Variants in ADAMTSL1 observed in about 807,000 individuals in gnomAD.
ADAMTSL1 encodes the protein ADAMTS-like protein 1.
A neutral mutation model predicts 201.8 loss-of-function variants in ADAMTSL1; 126 were observed. The observed-to-expected ratio is 0.62, with a 90% CI of 0.54 to 0.72. The LOEUF (loss-of-function observed/expected upper bound fraction) is 0.72, where lower values mean the gene tolerates loss of function less well. Among genes scored for constraint, ADAMTSL1 ranks in the 30% least tolerant of loss-of-function variants. The pLI is 0.00. For missense variants in ADAMTSL1, 2,679 were observed against 2,277.8 expected (o/e 1.18, Z -3.59); for synonymous variants, 1,121 against 903.4 (o/e 1.24, Z -4.32).
intron 13 of ADAMTSL1, 81 bp from the exon 14 acceptor site, chr9:18,706,666 T>A: frequency 2.9e-6 from 4 of 1,401,688 alleles, no homozygotes; most frequent in Non-Finnish European, 3.8e-6. Flanking sequence ...TGGAGGCAGG[T>A]GGGATGCAGC....
chr9:18,024,741 CT>C (rs1820624071), intron 1 of ADAMTSL1, among the ~76,000 whole-genome samples: 1 of 151,990 alleles, frequency 6.6e-6, no homozygotes, highest in South Asian at 2.1e-4. Context: ...GTACGTGTGT[CT>C]TTTTTGGTAG....
chr9:18,315,480 C>T (rs1325769062), intron 2 of ADAMTSL1, among the ~76,000 whole-genome samples: 6 of 152,112 alleles, frequency 3.9e-5, no homozygotes, highest in African/African-American at 4.8e-5. Flanking sequence ...GGTCCTGAGC[C>T]CTGTCCTGTG....
intron 9 of ADAMTSL1, among the ~76,000 whole-genome samples, chr9:18,667,134 A>C (rs1237813440): frequency 1.3e-5 from 2 of 151,950 alleles, no homozygotes; most frequent in Non-Finnish European, 2.9e-5. Context: ...CCTTCCCTCA[A>C]GGAATTCAGA....
At position 18,121,051 on chromosome 9, in the gene ADAMTSL1, C is replaced by A. The variant is rs570112461; in HGVS notation, c.88-42811C>A. 2.0e-5 allele frequency among the ~76,000 whole-genome samples: 3 copies of A among 152,108 alleles called. No individual in the cohort carries two copies. In the East Asian group the frequency reaches 5.8e-4, roughly 29 times the overall value. On this transcript the variant is annotated intron_variant, in intron 1 of 29. Coordinates refer to the ADAMTSL1 transcript ENST00000680146. ...GAAAATAGGTGGAGTACTGCAATGA[C>A]ATTTTAAAAAACCGTAGTTTAAGAT...
At chr9:17,990,132 G>A (rs974826589) in intron 1 of ADAMTSL1, among the ~76,000 whole-genome samples, 5 of 151,764 alleles carry the variant, frequency 3.3e-5, no homozygotes, top group Non-Finnish European at 7.4e-5. Flanking sequence ...TAAATTTAGG[G>A]TTTATTAAAA....
At chr9:18,248,842 A>G (rs575049555) in intron 2 of ADAMTSL1, among the ~76,000 whole-genome samples, 1 of 152,270 alleles carries the variant, frequency 6.6e-6, no homozygotes, top group Non-Finnish European at 1.5e-5. Context: ...GCAAGAATGT[A>G]TTGTGTGTAT....
rs143129786 is a variant in ADAMTSL1, at chr9:18,806,091, G to A, written c.3805+10567G>A. 2.0e-5 allele frequency among the ~76,000 whole-genome samples: 3 copies of A among 152,314 alleles called. No individual in the cohort carries two copies. The East Asian group carries it at 5.8e-4, about 29-fold the overall frequency. ...TTGAAGTATATTCGTGACTTACAATGTTAAAGGAATGGAAGGAAGACCCAT... is the reference window on the plus strand; with the variant it reads ...TTGAAGTATATTCGTGACTTACAATATTAAAGGAATGGAAGGAAGACCCAT... On this transcript the variant is annotated intron_variant, in intron 20 of 28. Transcript: ENST00000380548.
intron 2 of ADAMTSL1, among the ~76,000 whole-genome samples, chr9:18,298,907 G>A (rs1246825658): frequency 6.6e-6 from 1 of 151,748 alleles, no homozygotes; most frequent in Non-Finnish European, 1.5e-5. Context: ...GCTACTAGGA[G>A]AGGCTGAGGC....
chr9:18,376,817 C>G (rs148768086), intron 2 of ADAMTSL1, among the ~76,000 whole-genome samples: 34 of 152,224 alleles, frequency 2.2e-4, no homozygotes, highest in Middle Eastern at 6.8e-3. Context: ...AAAAAAAAGA[C>G]TTAATGTTGA....
intron 2 of ADAMTSL1, among the ~76,000 whole-genome samples, chr9:18,329,984 C>A (rs549920496): frequency 2.0e-5 from 3 of 152,258 alleles, no homozygotes; most frequent in African/African-American, 7.2e-5. Flanking sequence ...AATTCTTAGG[C>A]ATTTAATTTC....
chr9:18,139,414 A>G (rs1331088), intron 1 of ADAMTSL1, among the ~76,000 whole-genome samples: 108,830 of 152,032 alleles, frequency 0.72, 39,291 homozygotes, highest in Admixed American at 0.79. Context: ...TGATGAATGA[A>G]AGCTTCCCAA....
chr9:18,857,295 C>T (rs1465193575), intron 23 of ADAMTSL1, among the ~76,000 whole-genome samples: 1 of 152,206 alleles, frequency 6.6e-6, no homozygotes, highest in Admixed American at 6.5e-5. Context: ...CCAATAATGT[C>T]TTTAGTAGCA....
intron 20 of ADAMTSL1, among the ~76,000 whole-genome samples, chr9:18,807,289 A>G (rs1823196222): frequency 6.6e-6 from 1 of 152,194 alleles, no homozygotes; most frequent in African/African-American, 2.4e-5. Context: ...CAATTTCTAT[A>G]AATTAACACT....
intron 4 of ADAMTSL1, among the ~76,000 whole-genome samples, chr9:18,600,576 A>G (rs1284982344): frequency 6.6e-6 from 1 of 152,168 alleles, no homozygotes; most frequent in Non-Finnish European, 1.5e-5. Context: ...TTGGGTTTCT[A>G]TGAGAAACAG....
At chr9:18,232,562 AACTT>A (rs1424623051) in intron 2 of ADAMTSL1, among the ~76,000 whole-genome samples, 3 of 152,160 alleles carry the variant, frequency 2.0e-5, no homozygotes, top group African/African-American at 7.2e-5. Flanking sequence ...GCATAGTTAA[AACTT>A]AATAAATATG....
intron 3 of ADAMTSL1, among the ~76,000 whole-genome samples, chr9:18,552,245 C>T (rs1564039753): frequency 6.6e-6 from 1 of 151,730 alleles, no homozygotes; most frequent in Non-Finnish European, 1.5e-5. Context: ...ATAAATACAG[C>T]TTTAGTTGCA....
At chr9:18,157,272 A>G (rs1344382520) in intron 1 of ADAMTSL1, among the ~76,000 whole-genome samples, 8 of 152,046 alleles carry the variant, frequency 5.3e-5, no homozygotes. Flanking sequence ...TCTTTACAGA[A>G]TTGTTTGTGG....
chr9:18,160,438 A>T (rs962830958), intron 1 of ADAMTSL1, among the ~76,000 whole-genome samples: 1 of 152,012 alleles, frequency 6.6e-6, no homozygotes. Context: ...TTAGCCATAC[A>T]TACAATTTCT....
intron 1 of ADAMTSL1, among the ~76,000 whole-genome samples, chr9:18,487,306 A>G (rs1030873379): frequency 6.6e-6 from 1 of 152,234 alleles, no homozygotes; most frequent in African/African-American, 2.4e-5. Context: ...ATTATAAACG[A>G]ATAGTCTCCA....
Sources: gnomAD v4.1 joint callset for allele counts (sites outside exome capture counted in the v4.1 genomes callset) on GRCh38, gnomAD v4.1.1 for gene constraint, MANE v1.5 for transcripts, NCBI Gene and HGNC (gene_info 2026-07-23, HGNC 2026-07-21) for gene names.